Variants in ATP6V1H observed in about 807,000 individuals in gnomAD.
ATP6V1H encodes the protein V-type proton ATPase subunit H.
In ATP6V1H, 39 loss-of-function variants were observed where a neutral mutation model predicts 71.7. That is an observed-to-expected ratio of 0.54 (90% confidence interval 0.42 to 0.71). The LOEUF is 0.71. ATP6V1H is among the 30% of genes least tolerant of loss of function. The pLI is 0.00. For missense variants in ATP6V1H, 509 were observed against 594.9 expected, an observed-to-expected ratio of 0.86 and a Z score of 1.50; for synonymous variants, 192 against 199.3, an observed-to-expected ratio of 0.96 and a Z score of 0.31.
At chr8:53,837,516 G>A (rs1030814211) in intron 2 of ATP6V1H, among the ~76,000 whole-genome samples, 4 of 151,294 alleles carry the variant, frequency 2.6e-5, no homozygotes, top group South Asian at 2.1e-4. Context: ...AAACCAGTCC[G>A]GGTAGGGGGC....
intron 9 of ATP6V1H, among the ~76,000 whole-genome samples, chr8:53,788,235 TAA>T (rs1313439473): frequency 2.0e-5 from 3 of 151,950 alleles, no homozygotes; most frequent in Non-Finnish European, 4.4e-5. Flanking sequence ...TATGAGAATC[TAA>T]AAAAAACTAA....
At chr8:53,736,690 A>G (rs1803679634) in intron 13 of ATP6V1H, among the ~76,000 whole-genome samples, 1 of 152,230 alleles carries the variant, frequency 6.6e-6, no homozygotes, top group South Asian at 2.1e-4. Flanking sequence ...ATGAATCATT[A>G]TCCATCTGTC....
chr8:53,760,032 A>G (rs1808213231), intron 11 of ATP6V1H, among the ~76,000 whole-genome samples: 1 of 152,194 alleles, frequency 6.6e-6, no homozygotes, highest in Non-Finnish European at 1.5e-5. Flanking sequence ...ATAATTTATA[A>G]GAATGTAAAG....
At chr8:53,789,398 C>G (rs577464786) in intron 9 of ATP6V1H, among the ~76,000 whole-genome samples, 55 of 152,218 alleles carry the variant, frequency 3.6e-4, no homozygotes, top group Non-Finnish European at 7.2e-4. Flanking sequence ...CTGGGCCAGG[C>G]ACGGTGGCTC....
At chr8:53,836,437 C>T (rs1811162734) in intron 2 of ATP6V1H, among the ~76,000 whole-genome samples, 3 of 152,152 alleles carry the variant, frequency 2.0e-5, no homozygotes, top group South Asian at 4.1e-4. Context: ...AAGTTATTTT[C>T]TCTCTGGGTC....
At chr8:53,813,366 C>T (rs990450362) in intron 6 of ATP6V1H, among the ~76,000 whole-genome samples, 1 of 152,202 alleles carries the variant, frequency 6.6e-6, no homozygotes, top group Non-Finnish European at 1.5e-5. Flanking sequence ...AAGCAAAATA[C>T]AGTGTCTTTC....
Position 53,814,778 on chromosome 8 carries a change from T to A in ATP6V1H, c.421-12A>T. The stretch of plus-strand genomic sequence containing the variant: ...ATAATTCTTGCTGCCTGAAAACAAA[T>A]AAGAGATACATTTAACGCAACATTA... On this transcript the variant is annotated splice_polypyrimidine_tract_variant and intron_variant, in intron 5 of 13. Transcript: ENST00000359530. The A allele has an allele frequency of 1.3e-6, 2 of 1,562,674 alleles. No homozygotes were observed. The highest frequency in any genetic ancestry group is 4.5e-5 in the East Asian group (2 of 44,466).
chr8:53,819,207 A>C (rs2130486920), intron 4 of ATP6V1H, among the ~76,000 whole-genome samples: 1 of 152,114 alleles, frequency 6.6e-6, no homozygotes, highest in South Asian at 2.1e-4. Context: ...CCCTGTCTCA[A>C]GAAAACAAAA....
chr8:53,841,519 G>A, intron 2 of ATP6V1H, 59 bp downstream of exon 2: 5 of 1,553,568 alleles, frequency 3.2e-6, no homozygotes, highest in Non-Finnish European at 4.4e-6. Context: ...GCATGACCAT[G>A]AAAAAGTCTG....
intron 13 of ATP6V1H, among the ~76,000 whole-genome samples, chr8:53,727,271 C>G (rs563219233): frequency 8.5e-5 from 13 of 152,322 alleles, no homozygotes; most frequent in Middle Eastern, 3.4e-3. Context: ...CTCATCCTCT[C>G]GGCTTATTTT....
intron 12 of ATP6V1H, among the ~76,000 whole-genome samples, chr8:53,744,177 C>T (rs1208476362): frequency 6.6e-6 from 1 of 151,968 alleles, no homozygotes; most frequent in East Asian, 1.9e-4. Context: ...ATGCTAATTT[C>T]CTGGAAAAGA....
intron 11 of ATP6V1H, among the ~76,000 whole-genome samples, chr8:53,764,603 C>T (rs1808385144): frequency 6.6e-6 from 1 of 152,024 alleles, no homozygotes; most frequent in Non-Finnish European, 1.5e-5. Flanking sequence ...TAGATGCTTT[C>T]CTCCCTAAGA....
chr8:53,839,519 A>G (rs1416089311), intron 2 of ATP6V1H: 2 of 818,852 alleles, frequency 2.4e-6, no homozygotes, highest in African/African-American at 1.9e-5. Context: ...CCACACACCA[A>G]ATCAATCACT....
intron 13 of ATP6V1H, among the ~76,000 whole-genome samples, chr8:53,722,213 A>G (rs1359438786): frequency 1.3e-5 from 2 of 152,220 alleles, no homozygotes; most frequent in Non-Finnish European, 1.5e-5. Context: ...CCTGTCACAG[A>G]TCGGCAGCAT....
At position 53,814,895 on chromosome 8, in the gene ATP6V1H, G is replaced by C. The variant is rs115965231; in HGVS notation, c.421-129C>G. 1.2e-3 allele frequency: 578 copies of C among 499,796 alleles called. 4 individuals carry two copies. The highest frequency in any genetic ancestry group is 0.011 in the African/African-American group (519 of 49,426). The allele number at this position is 499,796 out of a possible 1,614,324, so 31.0% of individuals were successfully genotyped here. Reference sequence around the variant, plus strand: ...ACACTCAACCCCTCTAAAAATAATAGTTTATATTTCATTTTTTAAAATATA... The same window carrying C: ...ACACTCAACCCCTCTAAAAATAATACTTTATATTTCATTTTTTAAAATATA... On this transcript the variant is annotated intron_variant, in intron 5 of 13. Coordinates refer to ENST00000359530, the MANE Select transcript of ATP6V1H (RefSeq NM_015941.4).
In ATP6V1H at chr8:53,826,756, C is replaced by T. The variant is rs763325224; in HGVS notation, c.306+2688G>A. On this transcript the variant is annotated intron_variant, in intron 4 of 13. Transcript: ENST00000359530. ...AAGGTCAGGAGTTCAAGACCACCTT[C>T]GCCAACATGGTAAAACCCCGTCTCT... is the stretch of plus-strand genomic sequence containing the variant. Among the ~76,000 whole-genome samples, 7 of 149,282 alleles carry T rather than the reference C, an allele frequency of 4.7e-5. No homozygotes were observed. The East Asian group carries it at 8.2e-4, about 17-fold the overall frequency.
chr8:53,750,992 C>T (rs753664889), intron 12 of ATP6V1H, among the ~76,000 whole-genome samples: 2 of 152,178 alleles, frequency 1.3e-5, no homozygotes, highest in Non-Finnish European at 2.9e-5. Flanking sequence ...AACTCACTCA[C>T]TCTTCACATT....
intron 4 of ATP6V1H, among the ~76,000 whole-genome samples, chr8:53,824,623 A>G (rs1241834511): frequency 6.6e-6 from 1 of 152,134 alleles, no homozygotes; most frequent in African/African-American, 2.4e-5. Flanking sequence ...GGGGAAAAAA[A>G]GTCATTCAAT....
intron 13 of ATP6V1H, among the ~76,000 whole-genome samples, chr8:53,719,837 C>G (rs1585713248): frequency 6.6e-6 from 1 of 152,290 alleles, no homozygotes; most frequent in South Asian, 2.1e-4. Context: ...TATTCTATTC[C>G]AGAGCTGCCT....
Sources: gnomAD v4.1 joint callset for allele counts (sites outside exome capture counted in the v4.1 genomes callset) on GRCh38, gnomAD v4.1.1 for gene constraint, MANE v1.5 for transcripts, NCBI Gene and HGNC (gene_info 2026-07-23, HGNC 2026-07-21) for gene names.